The following RRAS2 variants were observed in gnomAD, a reference collection of about 807,000 sequenced individuals.
RRAS2 encodes ras-related protein R-Ras2.
In RRAS2, 7 loss-of-function variants were observed where a neutral mutation model predicts 27.6. The observed-to-expected ratio is 0.25, with a 90% CI of 0.14 to 0.48. The LOEUF is 0.48. RRAS2 is among the 20% of genes least tolerant of loss of function. RRAS2 has a pLI of 0.99. For missense variants in RRAS2, 178 were observed against 256.2 expected (o/e 0.69, Z 2.08); for synonymous variants, 86 against 90.9 (o/e 0.95, Z 0.31).
At chr11:14,318,010 C>T (rs548831752) in intron 1 of RRAS2, among the ~76,000 whole-genome samples, 2 of 152,260 alleles carry the variant, frequency 1.3e-5, no homozygotes, top group South Asian at 2.1e-4. Flanking sequence ...CATTTTCAAA[C>T]GGAGCAGGAA....
chr11:14,297,321 C>A (rs948020046), intron 1 of RRAS2, among the ~76,000 whole-genome samples: 1 of 152,118 alleles, frequency 6.6e-6, no homozygotes, highest in Non-Finnish European at 1.5e-5. Context: ...ACATTCGTGG[C>A]GACCTATGCA....
chr11:14,311,795 C>T (rs1320684051), intron 1 of RRAS2, among the ~76,000 whole-genome samples: 6 of 152,136 alleles, frequency 3.9e-5, no homozygotes, highest in African/African-American at 7.2e-5. Context: ...ATTAACACTG[C>T]AAACTACGAA....
intron 1 of RRAS2, among the ~76,000 whole-genome samples, chr11:14,301,936 T>C (rs966565004): frequency 1.3e-5 from 2 of 152,094 alleles, no homozygotes; most frequent in African/African-American, 4.8e-5. Flanking sequence ...TAAGCCAAGA[T>C]CATGCCACTG....
chr11:14,305,400 G>A (rs547816362), intron 1 of RRAS2, among the ~76,000 whole-genome samples: 11 of 152,248 alleles, frequency 7.2e-5, no homozygotes, highest in East Asian at 1.9e-4. Context: ...TCCAAAGCAC[G>A]GTAATTTTTC....
At chr11:14,338,581 AC>A (rs1177471649) in intron 1 of RRAS2, among the ~76,000 whole-genome samples, 3 of 152,120 alleles carry the variant, frequency 2.0e-5, no homozygotes, top group Non-Finnish European at 4.4e-5. Context: ...TAAATTTTCC[AC>A]TTGTGGCATC....
intron 1 of RRAS2, among the ~76,000 whole-genome samples, chr11:14,353,799 C>A (rs1245115744): frequency 2.0e-5 from 3 of 152,184 alleles, no homozygotes; most frequent in Admixed American, 2.0e-4. Context: ...AGAAAATGTT[C>A]TTCCTTGGGT....
chr11:14,294,399 T>C, intron 4 of RRAS2, 72 bp downstream of exon 4: 1 of 1,045,646 alleles, frequency 9.6e-7, no homozygotes, highest in Non-Finnish European at 1.4e-6. Context: ...CTTTCAATTA[T>C]TTCCTTAAAT....
chr11:14,364,345 T>C lies in RRAS2; in HGVS notation c.-124+46A>G, dbSNP rs1162655585. 10 of 1,532,260 alleles carry C rather than the reference T, an allele frequency of 6.5e-6. 1 individual carries two copies. Among genetic ancestry groups the C allele is most frequent in the Non-Finnish European group, 8.7e-6 (10 of 1,143,530 alleles). 94.9% of individuals were successfully genotyped at this position (1,532,260 alleles called of 1,614,324 possible). A position where few individuals can be genotyped will look rare whatever the true frequency, so the allele number is the denominator to read the frequency against. On this transcript the variant is annotated intron_variant, in intron 1 of 5. Transcript: ENST00000529237. ...TACAACAGACAGAGCCAAGACCTGT[T>C]GGCCAAAGAAGGCCAAGCCCCCAGA...
chr11:14,325,623 A>G (rs544100050), intron 1 of RRAS2, among the ~76,000 whole-genome samples: 7 of 152,288 alleles, frequency 4.6e-5, no homozygotes, highest in Admixed American at 4.6e-4. Flanking sequence ...TTATTTTAGA[A>G]TGGCATTAAG....
At position 14,278,223 on chromosome 11, in the gene RRAS2, C is replaced by G. The variant is rs1249798658; in HGVS notation, c.*1114G>C. 2.0e-5 allele frequency: 3 copies of G among 152,202 alleles called. No individual in the cohort carries two copies. The highest frequency in any genetic ancestry group is 6.5e-5 in the Admixed American group (1 of 15,272). The allele number at this position is 152,202 out of a possible 1,614,324, so 9.4% of individuals were successfully genotyped here. ...GATTTCAGAGTCTCATCCTGTTGTA[C>G]TCTATTGGGAAGGTTTCTTGAGTAG... On this transcript the variant is annotated 3_prime_UTR_variant, in exon 6 of 6. Transcript: ENST00000256196.
At position 14,321,097 on chromosome 11, in the gene RRAS2, T is replaced by C. The variant is rs1422809090; in HGVS notation, c.109-25242A>G. Reference sequence around the variant, plus strand: ...TGGGAGGCTGAGGCAGGAGAATCACTTGAACCTGGGAGGCAGAGGTTGCAG... The same window carrying C: ...TGGGAGGCTGAGGCAGGAGAATCACCTGAACCTGGGAGGCAGAGGTTGCAG... On this transcript the variant is annotated intron_variant, in intron 1 of 5. Coordinates refer to ENST00000256196, the MANE Select transcript of RRAS2 (RefSeq NM_012250.6). 2.0e-5 allele frequency among the ~76,000 whole-genome samples: 3 copies of C among 151,970 alleles called. No individual in the cohort carries two copies. The East Asian group carries it at 5.8e-4, about 29-fold the overall frequency.
intron 1 of RRAS2, among the ~76,000 whole-genome samples, chr11:14,300,017 C>A (rs1238403034): frequency 1.3e-5 from 2 of 152,002 alleles, no homozygotes; most frequent in African/African-American, 2.4e-5. Context: ...AAAGGATGTT[C>A]TGTAGCAGAA....
intron 5 of RRAS2, among the ~76,000 whole-genome samples, chr11:14,280,222 C>T (rs1411207515): frequency 6.6e-6 from 1 of 151,778 alleles, no homozygotes; most frequent in Non-Finnish European, 1.5e-5. Context: ...TGTTGTGCAA[C>T]CATCATCGCC....
At chr11:14,282,800 C>G (rs1009680849) in intron 4 of RRAS2, among the ~76,000 whole-genome samples, 2 of 152,152 alleles carry the variant, frequency 1.3e-5, no homozygotes, top group Non-Finnish European at 2.9e-5. Context: ...TGGAAGCATT[C>G]TGAACTCATT....
At chr11:14,280,871 C>G (rs189871617) in intron 5 of RRAS2, among the ~76,000 whole-genome samples, 8 of 151,834 alleles carry the variant, frequency 5.3e-5, no homozygotes, top group Admixed American at 2.0e-4. Context: ...AAATCAAATC[C>G]TACTCACTAA....
At chr11:14,331,673 TAAAAAAA>T (rs80130992) in intron 1 of RRAS2, among the ~76,000 whole-genome samples, 37 of 81,582 alleles carry the variant, frequency 4.5e-4, no homozygotes, top group Middle Eastern at 7.8e-3. Context: ...CCCCAACTCT[TAAAAAAA>T]AAAAAAAAAA....
intron 1 of RRAS2, among the ~76,000 whole-genome samples, chr11:14,303,270 ATCCTT>A (rs1365566108): frequency 6.6e-6 from 1 of 152,240 alleles, no homozygotes; most frequent in Non-Finnish European, 1.5e-5. Flanking sequence ...ACAATTGCTT[ATCCTT>A]TCATGTATGT....
chr11:14,282,726 T>A (rs1849572910), intron 4 of RRAS2, among the ~76,000 whole-genome samples: 1 of 152,182 alleles, frequency 6.6e-6, no homozygotes, highest in South Asian at 2.1e-4. Flanking sequence ...TTGGTCATTT[T>A]TCAATGATAC....
intron 2 of RRAS2, among the ~76,000 whole-genome samples, chr11:14,295,357 G>T (rs527880116): frequency 6.6e-6 from 1 of 152,208 alleles, no homozygotes; most frequent in East Asian, 1.9e-4. Context: ...GAGGGGGGAT[G>T]TTTAGACACA....
Sources: gnomAD v4.1 joint callset for allele counts (sites outside exome capture counted in the v4.1 genomes callset) on GRCh38, gnomAD v4.1.1 for gene constraint, MANE v1.5 for transcripts, NCBI Gene and HGNC (gene_info 2026-07-23, HGNC 2026-07-21) for gene names.